The following PEAK1 variants were observed in gnomAD, a reference collection of about 807,000 sequenced individuals.
The protein encoded by PEAK1 is inactive tyrosine-protein kinase PEAK1.
A neutral mutation model predicts 124.7 loss-of-function variants in PEAK1; 54 were observed. That is an observed-to-expected ratio of 0.43 (90% CI 0.35 to 0.54). The LOEUF is 0.54. PEAK1 is among the 20% of genes least tolerant of loss of function. PEAK1 has a pLI of 0.01. For missense variants in PEAK1, 2,046 were observed against 2,134.5 expected (o/e 0.96, Z 0.82); for synonymous variants, 719 against 760.0 (o/e 0.95, Z 0.89).
chr15:77,129,443 ATTT>A (rs35174642), intron 9 of PEAK1, among the ~76,000 whole-genome samples: 2 of 141,156 alleles, frequency 1.4e-5, no homozygotes, highest in Admixed American at 7.1e-5. Flanking sequence ...TCTACCACTG[ATTT>A]TTTTTTTTTT....
At chr15:77,359,820 G>C (rs2067766540) in intron 2 of PEAK1, among the ~76,000 whole-genome samples, 1 of 152,190 alleles carries the variant, frequency 6.6e-6, no homozygotes, top group Non-Finnish European at 1.5e-5. Flanking sequence ...AGTGTTTACA[G>C]ATTGGATGAC....
chr15:77,319,704 T>C (rs2065079631), intron 2 of PEAK1, among the ~76,000 whole-genome samples: 1 of 152,174 alleles, frequency 6.6e-6, no homozygotes, highest in Non-Finnish European at 1.5e-5. Flanking sequence ...TGGACCACTG[T>C]TTTCTAATTT....
chr15:77,272,630 C>CA (rs1368286719), intron 5 of PEAK1, among the ~76,000 whole-genome samples: 1 of 151,520 alleles, frequency 6.6e-6, no homozygotes. Flanking sequence ...AAGTTACCAA[C>CA]AAAAAAAGTC....
At chr15:77,128,088 A>G (rs912538066) in intron 9 of PEAK1, among the ~76,000 whole-genome samples, 2 of 152,030 alleles carry the variant, frequency 1.3e-5, no homozygotes, top group African/African-American at 4.8e-5. Context: ...CAAGAAAAAA[A>G]AAAAAAAAGG....
At chr15:77,265,324 C>G (rs1412522807) in intron 5 of PEAK1, among the ~76,000 whole-genome samples, 1 of 152,126 alleles carries the variant, frequency 6.6e-6, no homozygotes, top group African/African-American at 2.4e-5. Flanking sequence ...AGACAACCCA[C>G]AAAATGGGAG....
intron 8 of PEAK1, among the ~76,000 whole-genome samples, chr15:77,153,723 C>T (rs12911572): frequency 0.089 from 13,465 of 151,996 alleles, 665 homozygotes; most frequent in Admixed American, 0.1. Flanking sequence ...TCTTTATTTC[C>T]GCCTTCATTT....
Position 77,181,889 on chromosome 15 carries a change from T to C in PEAK1, c.38A>G (p.Lys13Arg). The change falls in exon 7 of 10, where the codon AAA becomes AGA. Residue 13 changes from lysine (K) to arginine (R), a missense_variant. Transcript: ENST00000682557. ...ACNTFTEHVW[K>R]PGECKNCFKP... ...AAAGCAATTCTTGCATTCACCAGGT[T>C]TCCAAACATGTTCAGTAAAGGTGTT... is the stretch of plus-strand genomic sequence containing the variant. 6.3e-7 allele frequency: 1 copy of C among 1,597,450 alleles called. No homozygotes were observed. The highest frequency in any genetic ancestry group is 8.5e-7 in the Non-Finnish European group (1 of 1,170,392).
intron 2 of PEAK1, among the ~76,000 whole-genome samples, chr15:77,310,356 T>C (rs11633318): frequency 0.31 from 46,397 of 152,092 alleles, 7,722 homozygotes; most frequent in Middle Eastern, 0.4. Context: ...TAAGCAGAAC[T>C]TAAATTACTT....
intron 1 of PEAK1, chr15:77,404,721 G>A: frequency 1.1e-6 from 1 of 943,338 alleles, no homozygotes; most frequent in Non-Finnish European, 1.3e-6. Context: ...AGAAGTAGGA[G>A]GTAGGATTTA....
At chr15:77,373,126 T>A (rs1413224348) in intron 1 of PEAK1, among the ~76,000 whole-genome samples, 1 of 152,196 alleles carries the variant, frequency 6.6e-6, no homozygotes, top group Admixed American at 6.5e-5. Flanking sequence ...TTTATCCAAT[T>A]TAAAAAGCAA....
At position 77,205,866 on chromosome 15, in the gene PEAK1, T is replaced by G. The variant is rs528258825; in HGVS notation, c.-114-23826A>C. Among the ~76,000 whole-genome samples, 3 of 151,628 alleles carry G rather than the reference T, an allele frequency of 2.0e-5. No individual in the cohort carries two copies. In the South Asian group the frequency reaches 6.3e-4, roughly 32 times the overall value. On this transcript the variant is annotated intron_variant, in intron 6 of 9. Transcript: ENST00000682557. ...TATACTTTAAGTTTTAGGGTACATG[T>G]GCACATTGTGCAGGTTAGTTACATA...
chr15:77,297,757 C>CAAAAAA (rs370114659), intron 2 of PEAK1, among the ~76,000 whole-genome samples: 26 of 85,400 alleles, frequency 3.0e-4, no homozygotes, highest in Non-Finnish European at 5.6e-4. Context: ...GATTTTGCCT[C>CAAAAAA]AAAAAAAAAA....
At chr15:77,336,042 G>C (rs889630441) in intron 2 of PEAK1, 1 of 985,180 alleles carries the variant, frequency 1.0e-6, no homozygotes, top group African/African-American at 1.7e-5. Flanking sequence ...AATTTTTGAA[G>C]GTAAGATAAC....
intron 3 of PEAK1, among the ~76,000 whole-genome samples, chr15:77,286,113 G>A (rs972606765): frequency 2.0e-5 from 3 of 152,010 alleles, no homozygotes; most frequent in Non-Finnish European, 4.4e-5. Context: ...CCTTCATTTC[G>A]TTATTTACCC....
At chr15:77,347,155 T>C (rs1458456109) in intron 2 of PEAK1, 17 of 906,206 alleles carry the variant, frequency 1.9e-5, no homozygotes, top group Non-Finnish European at 2.2e-5. Context: ...AGAAGGCCAG[T>C]GTAGCTGGAG....
intron 5 of PEAK1, among the ~76,000 whole-genome samples, chr15:77,278,095 C>T (rs1002190253): frequency 5.3e-5 from 8 of 152,014 alleles, no homozygotes; most frequent in Admixed American, 1.3e-4. Context: ...GAATGCTATA[C>T]GCTCGTGGGC....
In PEAK1 at chr15:77,112,489, C is replaced by T. The variant is rs1486782537; in HGVS notation, c.*1667G>A. ...GAGAACATGTCTGTCAACCCTGCCA[C>T]AGGTTGCTTTTCTAGAGGCCTGGCC... On this transcript the variant is annotated 3_prime_UTR_variant, in exon 10 of 10. Transcript: ENST00000682557. The T allele has an allele frequency of 6.6e-6, 1 of 152,266 alleles. No individual in the cohort carries two copies. The highest frequency in any genetic ancestry group is 1.5e-5 in the Non-Finnish European group (1 of 68,060). The allele number at this position is 152,266 out of a possible 1,614,324, so 9.4% of individuals were successfully genotyped here. A position where few individuals can be genotyped will look rare whatever the true frequency, so the allele number is the denominator to read the frequency against.
intron 2 of PEAK1, among the ~76,000 whole-genome samples, chr15:77,353,406 A>C (rs2067321576): frequency 6.6e-6 from 1 of 152,232 alleles, no homozygotes; most frequent in Admixed American, 6.5e-5. Flanking sequence ...GACATAACAA[A>C]AACCTAAAAG....
Position 77,144,020 on chromosome 15 carries a change from G to C in PEAK1, c.3332-10270C>G, listed in dbSNP as rs562568624. Reference sequence around the variant, plus strand: ...ATTAGAAGAAACAAAAATAATCACAGACATGAGAGAAATGGAGAATTCCAA... The same window carrying C: ...ATTAGAAGAAACAAAAATAATCACACACATGAGAGAAATGGAGAATTCCAA... On this transcript the variant is annotated intron_variant, in intron 8 of 9. Transcript: ENST00000682557. 3.0e-4 allele frequency among the ~76,000 whole-genome samples: 45 copies of C among 152,326 alleles called. No homozygotes were observed. The South Asian group carries it at 8.9e-3, about 30-fold the overall frequency.
Sources: allele counts gnomAD v4.1 joint callset (sites outside exome capture counted in the v4.1 genomes callset), GRCh38; gene constraint gnomAD v4.1.1; transcripts MANE v1.5; gene names NCBI Gene and HGNC (gene_info 2026-07-23, HGNC 2026-07-21).